The following KCNIP4 variants were observed in gnomAD, a reference collection of about 807,000 sequenced individuals.
KCNIP4 encodes potassium voltage-gated channel interacting protein 4.
Under a neutral mutation model 34.0 loss-of-function variants are expected in KCNIP4, and 12 were observed. That is an observed-to-expected ratio of 0.35 (90% CI 0.23 to 0.57). The LOEUF (loss-of-function observed/expected upper bound fraction) is 0.57, where lower values mean the gene tolerates loss of function less well. KCNIP4 is among the 20% of genes least tolerant of loss of function. The pLI is 0.83. For missense variants in KCNIP4, 238 were observed against 311.7 expected (o/e 0.76, Z 1.78); for synonymous variants, 124 against 102.2 (o/e 1.21, Z -1.29).
chr4:21,799,636 C>T (rs1173305752), intron 1 of KCNIP4, among the ~76,000 whole-genome samples: 1 of 152,098 alleles, frequency 6.6e-6, no homozygotes, highest in Non-Finnish European at 1.5e-5. Context: ...GTGCCAGGTG[C>T]AAAGGAGTTA....
chr4:21,664,424 A>C (rs1023496496), intron 1 of KCNIP4, among the ~76,000 whole-genome samples: 3 of 152,194 alleles, frequency 2.0e-5, no homozygotes, highest in Non-Finnish European at 4.4e-5. Flanking sequence ...CAAAAAAAAA[A>C]AAATAGGAAC....
chr4:20,733,395 A>G (rs1288048902), intron 6 of KCNIP4, among the ~76,000 whole-genome samples: 2 of 152,194 alleles, frequency 1.3e-5, no homozygotes, highest in Non-Finnish European at 2.9e-5. Flanking sequence ...TTTCATTCTT[A>G]TGAGAGTAAA....
chr4:21,522,612 G>A (rs1735634886), intron 1 of KCNIP4, among the ~76,000 whole-genome samples: 1 of 152,120 alleles, frequency 6.6e-6, no homozygotes, highest in Non-Finnish European at 1.5e-5. Flanking sequence ...CTCCTCAAAT[G>A]CTCCTACCCT....
At chr4:20,964,272 T>C (rs1734128685) in intron 1 of KCNIP4, among the ~76,000 whole-genome samples, 1 of 152,180 alleles carries the variant, frequency 6.6e-6, no homozygotes, top group Non-Finnish European at 1.5e-5. Flanking sequence ...CAAACCCACA[T>C]CTGACTTAGA....
intron 1 of KCNIP4, among the ~76,000 whole-genome samples, chr4:21,051,887 G>C (rs146379712): frequency 1.2e-3 from 179 of 152,254 alleles, no homozygotes; most frequent in African/African-American, 4.2e-3. Context: ...AGAGATGCAA[G>C]TTACAAATAT....
intron 3 of KCNIP4, among the ~76,000 whole-genome samples, chr4:20,834,320 C>A (rs1718783299): frequency 6.6e-6 from 1 of 152,100 alleles, no homozygotes; most frequent in Non-Finnish European, 1.5e-5. Context: ...TCGAATAATG[C>A]CTATTGAGAA....
intron 1 of KCNIP4, among the ~76,000 whole-genome samples, chr4:21,640,434 G>A (rs1167469002): frequency 6.6e-6 from 1 of 152,154 alleles, no homozygotes; most frequent in East Asian, 1.9e-4. Context: ...TGCCCTCTGG[G>A]TCATCCCAGT....
At chr4:21,836,939 A>G in intron 1 of KCNIP4, among the ~76,000 whole-genome samples, 1 of 70,402 alleles carries the variant, frequency 1.4e-5, no homozygotes, top group Admixed American at 1.1e-4. Context: ...TTTTTTTGAG[A>G]CAGAGTCTGG....
At chr4:21,420,376 AG>A in intron 1 of KCNIP4, among the ~76,000 whole-genome samples, 1 of 152,304 alleles carries the variant, frequency 6.6e-6, no homozygotes, top group East Asian at 1.9e-4. Context: ...AGCTGCCTAC[AG>A]GGTTTTCTCT....
intron 1 of KCNIP4, among the ~76,000 whole-genome samples, chr4:21,223,441 C>T (rs1758126593): frequency 6.6e-6 from 1 of 152,142 alleles, no homozygotes; most frequent in African/African-American, 2.4e-5. Context: ...TGCATGTGGT[C>T]ATTTGTTCCA....
intron 1 of KCNIP4, among the ~76,000 whole-genome samples, chr4:21,468,861 A>G (rs1338341551): frequency 6.6e-6 from 1 of 152,152 alleles, no homozygotes; most frequent in African/African-American, 2.4e-5. Context: ...TTCTTATTCA[A>G]TTTGAAATCT....
chr4:21,908,406 C>G (rs895116765), intron 1 of KCNIP4, among the ~76,000 whole-genome samples: 1 of 152,120 alleles, frequency 6.6e-6, no homozygotes, highest in Non-Finnish European at 1.5e-5. Flanking sequence ...AGCTCCCCGT[C>G]AAGATCAAAT....
At chr4:21,832,133 C>CA (rs1226629683) in intron 1 of KCNIP4, among the ~76,000 whole-genome samples, 2 of 152,104 alleles carry the variant, frequency 1.3e-5, no homozygotes, top group African/African-American at 4.8e-5. Context: ...ACCTGAAAGA[C>CA]AAAAATCATA....
chr4:20,965,905 C>G (rs1372775114), intron 1 of KCNIP4, among the ~76,000 whole-genome samples: 1 of 152,152 alleles, frequency 6.6e-6, no homozygotes, highest in Non-Finnish European at 1.5e-5. Context: ...AAAATCTCAT[C>G]TGTGCAAATT....
At chr4:21,126,634 A>AAAG (rs1553942397) in intron 1 of KCNIP4, among the ~76,000 whole-genome samples, 15 of 84,906 alleles carry the variant, frequency 1.8e-4, no homozygotes, top group African/African-American at 4.5e-4. Context: ...AAAAAAAAAG[A>AAAG]AAAGAAAAAA....
intron 1 of KCNIP4, among the ~76,000 whole-genome samples, chr4:21,628,081 T>C (rs958642703): frequency 6.6e-6 from 1 of 152,192 alleles, no homozygotes; most frequent in African/African-American, 2.4e-5. Context: ...ATAAGTTACA[T>C]GAGCCTGGAT....
intron 1 of KCNIP4, among the ~76,000 whole-genome samples, chr4:21,592,430 T>C (rs187722411): frequency 1.3e-5 from 2 of 152,260 alleles, no homozygotes; most frequent in East Asian, 3.9e-4. Context: ...CATTTTATTC[T>C]CACAAGTTTT....
chr4:21,057,755 C>A (rs1278935232), intron 1 of KCNIP4, among the ~76,000 whole-genome samples: 3 of 152,182 alleles, frequency 2.0e-5, no homozygotes, highest in African/African-American at 7.2e-5. Flanking sequence ...GAAAAATTCT[C>A]ATGACCTACT....
chr4:21,254,817 T>C (rs1025180733), intron 1 of KCNIP4, among the ~76,000 whole-genome samples: 2 of 152,162 alleles, frequency 1.3e-5, no homozygotes, highest in African/African-American at 4.8e-5. Flanking sequence ...CTCAGAAAAC[T>C]TTAAACCCTT....
Sources: allele counts gnomAD v4.1 joint callset (sites outside exome capture counted in the v4.1 genomes callset), GRCh38; gene constraint gnomAD v4.1.1; transcripts MANE v1.5; gene names NCBI Gene and HGNC (gene_info 2026-07-23, HGNC 2026-07-21).